HSPA12A: variants seen among roughly 807,000 people sequenced by gnomAD.
The protein encoded by HSPA12A is heat shock 70 kDa protein 12A.
Under a neutral mutation model 69.2 loss-of-function variants are expected in HSPA12A, and 28 were observed. The ratio of observed to expected loss-of-function variants is 0.40; its 90% CI spans 0.30 to 0.55. The LOEUF (loss-of-function observed/expected upper bound fraction) is 0.55, where lower values mean the gene tolerates loss of function less well. HSPA12A is among the 20% of genes least tolerant of loss of function. The probability of loss-of-function intolerance (pLI) is 0.38; values close to 1 mark genes in which losing one functional copy is unlikely to be tolerated. For missense variants in HSPA12A, 686 were observed against 900.7 expected (o/e 0.76, Z 3.05); for synonymous variants, 345 against 370.5 (o/e 0.93, Z 0.79).
At chr10:116,765,451 T>C (rs1276218559) in intron 2 of HSPA12A, among the ~76,000 whole-genome samples, 1 of 152,002 alleles carries the variant, frequency 6.6e-6, no homozygotes, top group Non-Finnish European at 1.5e-5. Flanking sequence ...ACTGGCCAAA[T>C]CCGGGACCAT....
intron 9 of HSPA12A, among the ~76,000 whole-genome samples, chr10:116,680,091 A>G (rs1849361376): frequency 6.6e-6 from 1 of 152,132 alleles, no homozygotes; most frequent in Admixed American, 6.5e-5. Context: ...CCTGGGTTGA[A>G]GTGATTCTCC....
intron 2 of HSPA12A, among the ~76,000 whole-genome samples, chr10:116,821,314 C>T (rs951531915): frequency 6.6e-6 from 1 of 152,166 alleles, no homozygotes; most frequent in African/African-American, 2.4e-5. Context: ...ACACAAGGCA[C>T]CTCCTACCTC....
At chr10:116,680,112 T>C (rs891839028) in intron 9 of HSPA12A, among the ~76,000 whole-genome samples, 1 of 151,992 alleles carries the variant, frequency 6.6e-6, no homozygotes, top group Non-Finnish European at 1.5e-5. Flanking sequence ...TGCTTCAGCC[T>C]CCCGAGTAGC....
At chr10:116,700,051 C>T (rs1850037088) in intron 4 of HSPA12A, among the ~76,000 whole-genome samples, 1 of 152,192 alleles carries the variant, frequency 6.6e-6, no homozygotes, top group Admixed American at 6.5e-5. Flanking sequence ...TATTTTGATT[C>T]CTTTAATCCC....
intron 2 of HSPA12A, among the ~76,000 whole-genome samples, chr10:116,771,479 G>A (rs1844208130): frequency 1.3e-5 from 2 of 152,240 alleles, no homozygotes; most frequent in African/African-American, 2.4e-5. Flanking sequence ...GGAAGGAAGA[G>A]AAGCCACTGG....
chr10:116,694,318 C>A (rs1252349698), intron 5 of HSPA12A, among the ~76,000 whole-genome samples: 1 of 152,198 alleles, frequency 6.6e-6, no homozygotes, highest in Non-Finnish European at 1.5e-5. Flanking sequence ...CAAGCCATAA[C>A]CCCCTCCCTC....
chr10:116,849,371 A>C, intron 1 of HSPA12A: 1 of 630,294 alleles, frequency 1.6e-6, no homozygotes, highest in Non-Finnish European at 2.3e-6. Flanking sequence ...CTAATGCCGC[A>C]GGGAGAAAAG....
At chr10:116,681,080 T>C (rs1361494666) in intron 9 of HSPA12A, 72 bp downstream of exon 9, 1 of 1,016,642 alleles carries the variant, frequency 9.8e-7, no homozygotes, top group East Asian at 2.4e-5. Context: ...CTGAGAGTTA[T>C]CTGAAACAAG....
chr10:116,743,249 T>C (rs988158153), upstream of HSPA12A, among the ~76,000 whole-genome samples: 3 of 152,194 alleles, frequency 2.0e-5, no homozygotes, highest in African/African-American at 7.2e-5. Flanking sequence ...AGAATAACGA[T>C]ATTAATAATG....
At chr10:116,697,855 GC>G (rs1296015782) in intron 5 of HSPA12A, among the ~76,000 whole-genome samples, 9 of 133,782 alleles carry the variant, frequency 6.7e-5, no homozygotes, top group Admixed American at 2.2e-4. Context: ...GCAGCCCTGC[GC>G]AGAAAAAGTC....
chr10:116,745,391 C>A (rs530365608), upstream of HSPA12A, among the ~76,000 whole-genome samples: 1 of 152,312 alleles, frequency 6.6e-6, no homozygotes, highest in South Asian at 2.1e-4. Flanking sequence ...GTACCAAGTT[C>A]CCTCAAGCTC....
chr10:116,826,361 T>G (rs188049980), intron 2 of HSPA12A, among the ~76,000 whole-genome samples: 1 of 152,338 alleles, frequency 6.6e-6, no homozygotes, highest in Admixed American at 6.5e-5. Context: ...TCAATGTGCC[T>G]GGCAGACAAG....
intron 2 of HSPA12A, among the ~76,000 whole-genome samples, chr10:116,803,832 T>C (rs1459626748): frequency 6.6e-6 from 1 of 152,230 alleles, no homozygotes; most frequent in African/African-American, 2.4e-5. Flanking sequence ...TCATTCATAA[T>C]GTTTCATACA....
At chr10:116,761,120 TGG>T (rs2133101375) in intron 2 of HSPA12A, among the ~76,000 whole-genome samples, 1 of 151,568 alleles carries the variant, frequency 6.6e-6, no homozygotes, top group African/African-American at 2.4e-5. Flanking sequence ...GAGGCAGAGG[TGG>T]GTGAGTCACT....
intron 1 of HSPA12A, among the ~76,000 whole-genome samples, chr10:116,731,625 A>T (rs1851157493): frequency 6.6e-6 from 1 of 152,372 alleles, no homozygotes; most frequent in South Asian, 2.1e-4. Context: ...AATTTCTAAC[A>T]GGTAGTCTCT....
intron 1 of HSPA12A, chr10:116,849,429 G>A (rs1246463977): frequency 2.4e-6 from 3 of 1,228,690 alleles, no homozygotes; most frequent in Non-Finnish European, 3.2e-6. Flanking sequence ...AAAAGGGAAC[G>A]ACTTTTACCG....
rs549289589 is a variant in HSPA12A, at chr10:116,794,987, A to G, written c.91+39948T>C. Among the ~76,000 whole-genome samples the G allele has an allele frequency of 8.3e-4, 127 of 152,338 alleles. 1 individual carries two copies. Among genetic ancestry groups the G allele is most frequent in the African/African-American group, 2.9e-3 (120 of 41,582 alleles). On this transcript the variant is annotated intron_variant, in intron 2 of 12. Coordinates refer to the HSPA12A transcript ENST00000635765. The stretch of plus-strand genomic sequence containing the variant: ...AAAACTTATAAGATGTAACTTGAGC[A>G]GCAGAGACAAACTTATAGCCTTAAT...
At chr10:116,705,449 C>T (rs1163622715) in intron 2 of HSPA12A, among the ~76,000 whole-genome samples, 171 bp from the exon 3 acceptor site, 1 of 152,228 alleles carries the variant, frequency 6.6e-6, no homozygotes, top group Non-Finnish European at 1.5e-5. Flanking sequence ...AGCCTGGGCC[C>T]CCGCCTGAAT....
At position 116,679,655 on chromosome 10, in the gene HSPA12A, G is replaced by C; in HGVS notation, c.1134C>G (p.Ala378=). Residue 378 remains alanine, a synonymous_variant, in exon 10 of 12, where the codon GCC becomes GCG. Transcript: ENST00000369209. The part of the protein sequence containing the change: ...IEQFKIKRPA[A]WVDLMIAFES... The stretch of plus-strand genomic sequence containing the variant: ...CAAACGCAATCATTAAGTCAACCCA[G>C]GCTGCAGGGCGTTTGATTTTGAATT... 6.2e-7 allele frequency: 1 copy of C among 1,614,248 alleles called. No individual in the cohort carries two copies. Among genetic ancestry groups the C allele is most frequent in the Non-Finnish European group, 8.5e-7 (1 of 1,180,038 alleles).
Sources: allele counts gnomAD v4.1 joint callset (sites outside exome capture counted in the v4.1 genomes callset), GRCh38; gene constraint gnomAD v4.1.1; transcripts MANE v1.5; gene names NCBI Gene and HGNC (gene_info 2026-07-23, HGNC 2026-07-21).